The following GPSM2 variants were observed in gnomAD, a reference collection of about 807,000 sequenced individuals.
GPSM2 encodes G protein-signaling modulator 2.
Under a neutral mutation model 78.4 loss-of-function variants are expected in GPSM2, and 58 were observed. That is an observed-to-expected ratio of 0.74 (90% CI 0.60 to 0.92). The LOEUF (loss-of-function observed/expected upper bound fraction) is 0.92, where lower values mean the gene tolerates loss of function less well. GPSM2 is among the 40% of genes least tolerant of loss of function. GPSM2 has a pLI of 0.00. For missense variants in GPSM2, 700 were observed against 815.5 expected (o/e 0.86, Z 1.73); for synonymous variants, 224 against 280.2 (o/e 0.80, Z 2.00).
intron 14 of GPSM2, among the ~76,000 whole-genome samples, chr1:108,925,735 G>T (rs766328512): frequency 2.0e-5 from 3 of 152,116 alleles, no homozygotes; most frequent in Non-Finnish European, 2.9e-5. Flanking sequence ...TGAGAAAATG[G>T]GAAGTGTGAA....
chr1:108,896,570 T>G (rs1348545480), intron 2 of GPSM2, among the ~76,000 whole-genome samples: 4 of 152,318 alleles, frequency 2.6e-5, no homozygotes, highest in Admixed American at 6.5e-5. Flanking sequence ...GAAATACTGC[T>G]TTAGGCTCTT....
chr1:108,900,901 A>G (rs535674705), intron 7 of GPSM2, among the ~76,000 whole-genome samples: 70 of 151,776 alleles, frequency 4.6e-4, no homozygotes, highest in African/African-American at 1.7e-3. Flanking sequence ...TCATATAGTT[A>G]TAAGTGATAT....
In GPSM2 at chr1:108,897,046, A is replaced by G; in HGVS notation, c.239A>G (p.Lys80Arg). 6.2e-7 allele frequency: 1 copy of G among 1,612,598 alleles called. No homozygotes were observed. Reference protein sequence around the residue: ...NAYFYLHDYAKALEYHHHDLT... With the variant: ...NAYFYLHDYARALEYHHHDLT... ...TATTTCTATTTGCATGATTATGCCA[A>G]AGCATTAGAATATCACCATCATGAT... The change falls in exon 3 of 15, where the codon AAA becomes AGA. Residue 80 changes from lysine to arginine, a missense_variant. By Grantham distance (26) the Lys-to-Arg change is conservative. Coordinates refer to ENST00000264126, the MANE Select transcript of GPSM2 (RefSeq NM_013296.5).
chr1:108,879,598 G>A (rs560026837), intron 1 of GPSM2, among the ~76,000 whole-genome samples: 20 of 152,226 alleles, frequency 1.3e-4, no homozygotes, highest in Non-Finnish European at 2.5e-4. Context: ...ACTTTGGGAG[G>A]CCGAGGTGGG....
chr1:108,901,667 T>C (rs1431342299), intron 7 of GPSM2, 123 bp from the exon 8 acceptor site: 3 of 781,818 alleles, frequency 3.8e-6, no homozygotes, highest in Non-Finnish European at 6.9e-6. Flanking sequence ...ATATGAATAT[T>C]AGGCTCTCAG....
In GPSM2 at chr1:108,877,084, T is replaced by A. The variant is rs1365774591; in HGVS notation, c.-393T>A. The stretch of plus-strand genomic sequence containing the variant: ...GGGGCGCTACGAGCTCTGGCCCACG[T>A]GACCTGCCGGGGGCGGGAGCAGGGG... On this transcript the variant is annotated 5_prime_UTR_variant, in exon 1 of 15. Coordinates refer to ENST00000264126, the MANE Select transcript of GPSM2 (RefSeq NM_013296.5). 2.0e-5 allele frequency: 3 copies of A among 152,166 alleles called. No individual in the cohort carries two copies. The highest frequency in any genetic ancestry group is 4.4e-5 in the Non-Finnish European group (3 of 68,016). The allele number at this position is 152,166 out of a possible 1,614,324, so 9.4% of individuals were successfully genotyped here.
chr1:108,924,150 AC>A lies in GPSM2; in HGVS notation c.1753del (p.Leu585Ter). 6.2e-7 allele frequency: 1 copy of A among 1,613,930 alleles called. No individual in the cohort carries two copies. Among genetic ancestry groups the A allele is most frequent in the Non-Finnish European group, 8.5e-7 (1 of 1,179,846 alleles). ...LTQNSQSVLS[H>X]LMTNDNKEAD... ...CAAAACAGCCAGTCGGTACTTAGCC[AC>A]CTGATGACTAATGACAACAAAGAGG... On this transcript the variant is annotated frameshift_variant, in exon 14 of 15. Coordinates refer to ENST00000264126, the MANE Select transcript of GPSM2 (RefSeq NM_013296.5). LOFTEE classifies it high-confidence loss of function.
chr1:108,909,493 T>G (rs1649529362), intron 10 of GPSM2: 1 of 152,178 alleles, frequency 6.6e-6, no homozygotes, highest in Non-Finnish European at 1.5e-5. Context: ...ACTTACAGGT[T>G]GAGAAAGAAA....
rs1652408043 is a variant in GPSM2 at position 108,933,809 on chromosome 1, T to A, written c.*3869T>A. Reference sequence around the variant, plus strand: ...AGACACCCAACTCTCTTCTTCCTCATCATGGTATTCTCTATGTATAGATCT... The same window carrying A: ...AGACACCCAACTCTCTTCTTCCTCAACATGGTATTCTCTATGTATAGATCT... On this transcript the variant is annotated 3_prime_UTR_variant, in exon 15 of 15. Transcript: ENST00000264126. The A allele has an allele frequency of 6.6e-6, 1 of 152,232 alleles. No homozygotes were observed. Among genetic ancestry groups the A allele is most frequent in the African/African-American group, 2.4e-5 (1 of 41,464 alleles). 9.4% of individuals were successfully genotyped at this position (152,232 alleles called of 1,614,324 possible).
In GPSM2 at chr1:108,932,112, A is replaced by C. The variant is rs1652092310; in HGVS notation, c.*2172A>C. The C allele has an allele frequency of 6.6e-6, 1 of 151,686 alleles. No homozygotes were observed. Among genetic ancestry groups the C allele is most frequent in the Non-Finnish European group, 1.5e-5 (1 of 67,968 alleles). 9.4% of individuals were successfully genotyped at this position (151,686 alleles called of 1,614,324 possible). Reference sequence around the variant, plus strand: ...ACATGGTGAAACCCCATCTCTACTAAAAAATACAAAAATTAGCCAGGCATG... The same window carrying C: ...ACATGGTGAAACCCCATCTCTACTACAAAATACAAAAATTAGCCAGGCATG... On this transcript the variant is annotated 3_prime_UTR_variant, in exon 15 of 15. Transcript: ENST00000264126.
In GPSM2 at chr1:108,905,034, T is replaced by C. The variant is rs554287631; in HGVS notation, c.1192+780T>C. Among the ~76,000 whole-genome samples, 4 of 152,292 alleles carry C rather than the reference T, an allele frequency of 2.6e-5. No homozygotes were observed. In the South Asian group the frequency reaches 8.3e-4, roughly 32 times the overall value. On this transcript the variant is annotated intron_variant, in intron 10 of 14. Coordinates refer to ENST00000264126, the MANE Select transcript of GPSM2 (RefSeq NM_013296.5). ...TTTAAAGTCAGTGATAAATCTACCT[T>C]TACTTTTTCCAATTTTTTTCTTTAA...
chr1:108,915,984 G>A (rs1650190572), intron 11 of GPSM2, among the ~76,000 whole-genome samples: 1 of 149,884 alleles, frequency 6.7e-6, no homozygotes, highest in Non-Finnish European at 1.5e-5. Context: ...GCTCATGCCT[G>A]TAATCCCAGC....
chr1:108,897,274 G>A (rs1032499637), intron 3 of GPSM2, among the ~76,000 whole-genome samples, 189 bp downstream of exon 3: 3 of 152,142 alleles, frequency 2.0e-5, no homozygotes, highest in African/African-American at 7.2e-5. Context: ...ATTGACCCTA[G>A]AGTTTAATTA....
intron 10 of GPSM2, among the ~76,000 whole-genome samples, chr1:108,908,302 C>T (rs554081635): frequency 2.0e-5 from 3 of 151,412 alleles, no homozygotes; most frequent in African/African-American, 7.3e-5. Context: ...ACCTGGGAGG[C>T]GGAGCTTGCA....
In GPSM2 at chr1:108,924,222, T is replaced by C. The variant is rs1326982056; in HGVS notation, c.1815+8T>C. 6.3e-7 allele frequency: 1 copy of C among 1,581,966 alleles called. No homozygotes were observed. Among genetic ancestry groups the C allele is most frequent in the Non-Finnish European group, 8.7e-7 (1 of 1,150,978 alleles). On this transcript the variant is annotated splice_region_variant and intron_variant, in intron 14 of 14. Coordinates refer to ENST00000264126, the MANE Select transcript of GPSM2 (RefSeq NM_013296.5). ...ATCCTTGTAAAATGTCAAGTATGTC[T>C]GTATATTTTTTTCGTTCTGCATACA...
intron 2 of GPSM2, among the ~76,000 whole-genome samples, chr1:108,889,857 A>G (rs1647846948): frequency 6.6e-6 from 1 of 152,126 alleles, no homozygotes; most frequent in Non-Finnish European, 1.5e-5. Context: ...ATAGAACACA[A>G]GATCTTCATT....
At chr1:108,898,571 T>C in intron 5 of GPSM2, 71 bp from the exon 6 acceptor site, 1 of 1,402,484 alleles carries the variant, frequency 7.1e-7, no homozygotes, top group Non-Finnish European at 1.0e-6. Context: ...TAAAAAGAAT[T>C]AGATATGTAA....
Position 108,897,098 on chromosome 1 carries a change from A to C in GPSM2, c.278+13A>C. 6.5e-7 allele frequency: 1 copy of C among 1,539,834 alleles called. No homozygotes were observed. ...TAACCCTTGCAAGGTAATTAATTTA[A>C]GCTTTTAAATATTCTTCCTTCTGAA... On this transcript the variant is annotated intron_variant, in intron 3 of 14. Transcript: ENST00000264126.
rs12126463 is a variant in GPSM2 at position 108,914,629 on chromosome 1, T to G, written c.1263+221T>G. The stretch of plus-strand genomic sequence containing the variant: ...TACATGCATATATTTCCTTTGTAGA[T>G]TCCTAAAACATTCTGGAATAAGATA... On this transcript the variant is annotated intron_variant, in intron 11 of 14. Transcript: ENST00000264126. Among the ~76,000 whole-genome samples the G allele has an allele frequency of 0.028, 4,288 of 152,274 alleles. 69 individuals are homozygous for G. The highest frequency in any genetic ancestry group is 0.045 in the Non-Finnish European group (3,029 of 68,014).
Sources: gnomAD v4.1 joint callset for allele counts (sites outside exome capture counted in the v4.1 genomes callset) on GRCh38, gnomAD v4.1.1 for gene constraint, MANE v1.5 for transcripts, NCBI Gene and HGNC (gene_info 2026-07-23, HGNC 2026-07-21) for gene names.